Variants in TRUB1 observed in about 807,000 individuals in gnomAD.
TRUB1 encodes the protein TruB pseudouridine synthase family member 1.
A neutral mutation model predicts 33.9 loss-of-function variants in TRUB1; 23 were observed. The ratio of observed to expected loss-of-function variants is 0.68; its 90% confidence interval spans 0.49 to 0.96. The LOEUF (loss-of-function observed/expected upper bound fraction) is 0.96. Ranked by LOEUF, TRUB1 falls within the 40% of genes least tolerant of loss-of-function variation. The pLI, the probability that TRUB1 is intolerant of heterozygous loss-of-function variation, is 0.00. For missense variants in TRUB1, 378 were observed against 422.2 expected, an observed-to-expected ratio of 0.90 and a Z score of 0.92; for synonymous variants, 163 against 165.4, an observed-to-expected ratio of 0.99 and a Z score of 0.11.
intron 4 of TRUB1, among the ~76,000 whole-genome samples, chr10:114,966,148 C>T (rs1025452380): frequency 1.4e-4 from 22 of 151,932 alleles, no homozygotes; most frequent in African/African-American, 5.1e-4. Context: ...GTCTTTATGC[C>T]CCTCTCTCCA....
intron 4 of TRUB1, among the ~76,000 whole-genome samples, chr10:114,969,787 CG>C (rs937743670): frequency 7.4e-6 from 1 of 135,266 alleles, no homozygotes; most frequent in Non-Finnish European, 1.5e-5. Context: ...GAGGCTGGGG[CG>C]GGGGGACAGA....
At chr10:114,958,288 T>G (rs575990379) in intron 3 of TRUB1, among the ~76,000 whole-genome samples, 1 of 152,332 alleles carries the variant, frequency 6.6e-6, no homozygotes, top group East Asian at 1.9e-4. Flanking sequence ...AGACTGTGTT[T>G]AGTTACAAAA....
intron 2 of TRUB1, among the ~76,000 whole-genome samples, chr10:114,943,018 T>C (rs893821491): frequency 6.6e-6 from 1 of 152,218 alleles, no homozygotes; most frequent in African/African-American, 2.4e-5. Flanking sequence ...AGGCCTGAAA[T>C]TACTATCTTT....
At chr10:114,971,633 T>C (rs2084337214) in intron 5 of TRUB1, among the ~76,000 whole-genome samples, 2 of 152,240 alleles carry the variant, frequency 1.3e-5, no homozygotes, top group African/African-American at 4.8e-5. Flanking sequence ...TTTTGTTTTC[T>C]AGTAAAATTT....
At chr10:114,954,695 G>A (rs1160688149) in intron 3 of TRUB1, among the ~76,000 whole-genome samples, 2 of 151,126 alleles carry the variant, frequency 1.3e-5, no homozygotes, top group Non-Finnish European at 2.9e-5. Flanking sequence ...TGTATAATGT[G>A]TGTGAAAAGC....
At chr10:114,961,062 T>C (rs1203955747) in intron 4 of TRUB1, among the ~76,000 whole-genome samples, 2 of 152,170 alleles carry the variant, frequency 1.3e-5, no homozygotes, top group Non-Finnish European at 2.9e-5. Flanking sequence ...AATTTCTAGC[T>C]CTGCCCTTAT....
intron 1 of TRUB1, among the ~76,000 whole-genome samples, chr10:114,941,212 A>G (rs1174703566): frequency 6.6e-6 from 1 of 152,184 alleles, no homozygotes; most frequent in Non-Finnish European, 1.5e-5. Flanking sequence ...TCTCACTTGA[A>G]GTCTAATAGC....
At chr10:114,972,405 G>T in intron 6 of TRUB1, 131 bp downstream of exon 6, 4 of 1,072,046 alleles carry the variant, frequency 3.7e-6, no homozygotes, top group Non-Finnish European at 5.2e-6. Flanking sequence ...AGGAAAGTTA[G>T]GATTTCTTTA....
rs11197001 is a variant in TRUB1, at chr10:114,943,731, T to A, written c.385+988T>A. 3.9e-3 allele frequency among the ~76,000 whole-genome samples: 595 copies of A among 152,306 alleles called. 2 individuals carry two copies. Among genetic ancestry groups the A allele is most frequent in the Non-Finnish European group, 7.1e-3 (480 of 68,032 alleles). ...GTCTTTTTCTCTTATGGTCCAGCTG[T>A]GTATTCTTACTACATCACTGTAAAA... On this transcript the variant is annotated intron_variant, in intron 2 of 7. Coordinates refer to ENST00000298746, the MANE Select transcript of TRUB1 (RefSeq NM_139169.5).
chr10:114,953,068 C>T (rs888741825), intron 3 of TRUB1, among the ~76,000 whole-genome samples: 1 of 152,044 alleles, frequency 6.6e-6, no homozygotes, highest in African/African-American at 2.4e-5. Context: ...TTGTTCACCC[C>T]TCCTCCCCCA....
rs570906644 is a variant in TRUB1, at chr10:114,977,516, T to C, written c.*2137T>C. 28 of 151,970 alleles carry C rather than the reference T, an allele frequency of 1.8e-4. No homozygotes were observed. Among genetic ancestry groups the C allele is most frequent in the Non-Finnish European group, 2.9e-4 (20 of 67,894 alleles). The allele number at this position is 151,970 out of a possible 1,614,324, so 9.4% of individuals were successfully genotyped here. On this transcript the variant is annotated 3_prime_UTR_variant, in exon 8 of 8. Transcript: ENST00000298746. The stretch of plus-strand genomic sequence containing the variant: ...TTTGCCTTATTGCATTCCCAAAGAG[T>C]TGTAACATTTTACAGTGTTACCATT...
Position 114,959,816 on chromosome 10 carries a change from C to T in TRUB1, c.523+9C>T. The T allele has an allele frequency of 1.3e-6, 2 of 1,553,600 alleles. No homozygotes were observed. Among genetic ancestry groups the T allele is most frequent in the Non-Finnish European group, 1.8e-6 (2 of 1,126,960 alleles). On this transcript the variant is annotated intron_variant, in intron 4 of 7. Transcript: ENST00000298746. ...AGAAGAAAAACCTTACGGTATGAAG[C>T]TCATCTAATGTAGGCCTCTTTTCTA...
chr10:114,955,618 G>C (rs535744719), intron 3 of TRUB1, among the ~76,000 whole-genome samples: 39 of 152,178 alleles, frequency 2.6e-4, no homozygotes, highest in African/African-American at 9.2e-4. Context: ...TTCTTGGTGT[G>C]GTCAAAGGAT....
At position 114,975,456 on chromosome 10, in the gene TRUB1, CA is replaced by C. The variant is rs2143039960; in HGVS notation, c.*81del. The C allele has an allele frequency of 1.5e-6, 2 of 1,299,882 alleles. No individual in the cohort carries two copies. Among genetic ancestry groups the C allele is most frequent in the East Asian group, 5.0e-5 (2 of 39,688 alleles). The allele number at this position is 1,299,882 out of a possible 1,614,324, so 80.5% of individuals were successfully genotyped here. ...CAGATGCAGAATGACAAGCTGCATT[CA>C]AAAGACAAACAATATGTCTTTTTTT... On this transcript the variant is annotated 3_prime_UTR_variant, in exon 8 of 8. Coordinates refer to ENST00000298746, the MANE Select transcript of TRUB1 (RefSeq NM_139169.5).
intron 4 of TRUB1, among the ~76,000 whole-genome samples, chr10:114,965,595 T>C (rs2084304099): frequency 6.6e-6 from 1 of 152,208 alleles, no homozygotes; most frequent in Non-Finnish European, 1.5e-5. Flanking sequence ...TTGGGTGCTG[T>C]TCTCATTTTT....
chr10:114,938,633 A>C, intron 1 of TRUB1, 94 bp downstream of exon 1: 1 of 1,299,870 alleles, frequency 7.7e-7, no homozygotes, highest in Non-Finnish European at 1.0e-6. Context: ...CAAGAGACAA[A>C]AGGAGGGGAA....
At chr10:114,967,772 C>T (rs371986800) in intron 4 of TRUB1, among the ~76,000 whole-genome samples, 15 of 151,986 alleles carry the variant, frequency 9.9e-5, no homozygotes, top group South Asian at 4.1e-4. Flanking sequence ...GTCATAAGAA[C>T]GATTATTATT....
intron 4 of TRUB1, among the ~76,000 whole-genome samples, chr10:114,967,876 C>T (rs1184948043): frequency 6.6e-6 from 1 of 152,148 alleles, no homozygotes; most frequent in East Asian, 1.9e-4. Context: ...AGATAACTTG[C>T]TGTGTAGGCT....
chr10:114,972,054 A>G, intron 5 of TRUB1, 81 bp from the exon 6 acceptor site: 1 of 1,498,702 alleles, frequency 6.7e-7, no homozygotes, highest in Non-Finnish European at 9.1e-7. Flanking sequence ...TAAATCTGAA[A>G]TTATCATCTC....
Sources: gnomAD v4.1 joint callset for allele counts (sites outside exome capture counted in the v4.1 genomes callset) on GRCh38, gnomAD v4.1.1 for gene constraint, MANE v1.5 for transcripts, NCBI Gene and HGNC (gene_info 2026-07-23, HGNC 2026-07-21) for gene names.